FARS2: variants seen among roughly 807,000 people sequenced by gnomAD.
FARS2 encodes the protein phenylalanyl-tRNA synthetase 2, mitochondrial, also known as phenylalanine--tRNA ligase, mitochondrial.
In FARS2, 40 loss-of-function variants were observed where a neutral mutation model predicts 46.4. That is an observed-to-expected ratio of 0.86 (90% CI 0.67 to 1.12). FARS2 has a LOEUF of 1.12. FARS2 is among the 50% of genes most tolerant of loss of function. The pLI, the probability that FARS2 is intolerant of heterozygous loss-of-function variation, is 0.00. For synonymous variants in FARS2, 234 were observed against 214.9 expected (o/e 1.09, Z -0.78); for missense variants, 513 against 567.9 (o/e 0.90, Z 0.98).
At chr6:5,542,753 C>G (rs74714684) in intron 4 of FARS2, among the ~76,000 whole-genome samples, 5 of 152,168 alleles carry the variant, frequency 3.3e-5, no homozygotes, top group Non-Finnish European at 1.5e-5. Flanking sequence ...CAATAATTTA[C>G]GAGTTCTAGT....
intron 6 of FARS2, among the ~76,000 whole-genome samples, chr6:5,649,662 A>G (rs912173709): frequency 6.6e-6 from 1 of 152,246 alleles, no homozygotes; most frequent in Admixed American, 6.5e-5. Flanking sequence ...TTACCATTTT[A>G]TAGATGAGAA....
At chr6:5,580,286 T>A (rs1773248920) in intron 5 of FARS2, among the ~76,000 whole-genome samples, 1 of 50,474 alleles carries the variant, frequency 2.0e-5, no homozygotes, top group African/African-American at 9.4e-5. Context: ...GAAGACTCCG[T>A]CTCAAAAAAA....
At chr6:5,322,193 C>G (rs997941370) in intron 1 of FARS2, among the ~76,000 whole-genome samples, 1 of 152,144 alleles carries the variant, frequency 6.6e-6, no homozygotes, top group Non-Finnish European at 1.5e-5. Context: ...ACCTAAATGT[C>G]CAATAGGGAA....
chr6:5,676,347 G>C (rs188152540), intron 6 of FARS2, among the ~76,000 whole-genome samples: 1 of 152,114 alleles, frequency 6.6e-6, no homozygotes, highest in African/African-American at 2.4e-5. Context: ...TTTTGTATTC[G>C]TTAAATACAA....
chr6:5,506,845 A>G (rs1195400219), intron 4 of FARS2, among the ~76,000 whole-genome samples: 2 of 152,240 alleles, frequency 1.3e-5, no homozygotes, highest in East Asian at 1.9e-4. Flanking sequence ...AAATCTGACT[A>G]TAACAGTAAA....
At chr6:5,288,066 A>G (rs551161972) in intron 1 of FARS2, among the ~76,000 whole-genome samples, 7 of 152,214 alleles carry the variant, frequency 4.6e-5, no homozygotes, top group Admixed American at 1.3e-4. Context: ...ATATTTATCC[A>G]GGGAGTGTCA....
chr6:5,600,300 T>G (rs953889730), intron 5 of FARS2, among the ~76,000 whole-genome samples: 2 of 152,202 alleles, frequency 1.3e-5, no homozygotes, highest in African/African-American at 2.4e-5. Flanking sequence ...TTTAGAGGGA[T>G]GTTTAGAACT....
At chr6:5,554,812 C>G (rs556441819) in intron 5 of FARS2, among the ~76,000 whole-genome samples, 20 of 152,300 alleles carry the variant, frequency 1.3e-4, no homozygotes, top group Non-Finnish European at 2.2e-4. Context: ...TTAACCAAAG[C>G]TGACTCCAGA....
At position 5,759,285 on chromosome 6, in the gene FARS2, TC is replaced by T. The variant is rs1463122579; in HGVS notation, c.1218-12004del. On this transcript the variant is annotated intron_variant, in intron 6 of 6. Transcript: ENST00000274680. ...TTGTTGGTACTTCCACAGGGAACCTTCCTTGACTTTTAATAGCCCTTTTGTG... is the reference window on the plus strand; with the variant it reads ...TTGTTGGTACTTCCACAGGGAACCTTCTTGACTTTTAATAGCCCTTTTGTG... 2.0e-5 allele frequency among the ~76,000 whole-genome samples: 3 copies of T among 152,152 alleles called. No individual in the cohort carries two copies. The East Asian group carries it at 5.8e-4, about 29-fold the overall frequency.
At chr6:5,710,846 CAT>C (rs777853303) in intron 6 of FARS2, among the ~76,000 whole-genome samples, 2 of 152,180 alleles carry the variant, frequency 1.3e-5, no homozygotes. Flanking sequence ...TCTCTGAGCT[CAT>C]GTGCATCAGG....
At chr6:5,692,101 C>T (rs1757772835) in intron 6 of FARS2, among the ~76,000 whole-genome samples, 1 of 152,212 alleles carries the variant, frequency 6.6e-6, no homozygotes, top group Non-Finnish European at 1.5e-5. Context: ...CTTTCTTTGA[C>T]TAGGAAAGGG....
At chr6:5,673,348 C>T (rs1465357298) in intron 6 of FARS2, among the ~76,000 whole-genome samples, 1 of 152,228 alleles carries the variant, frequency 6.6e-6, no homozygotes, top group Non-Finnish European at 1.5e-5. Flanking sequence ...CCCACTTCTG[C>T]CATCAGAAAG....
chr6:5,388,573 C>T (rs1760286483), intron 2 of FARS2, among the ~76,000 whole-genome samples: 2 of 152,120 alleles, frequency 1.3e-5, no homozygotes, highest in South Asian at 2.1e-4. Flanking sequence ...CTGTTCTTTT[C>T]TGGCTAACAC....
intron 2 of FARS2, among the ~76,000 whole-genome samples, chr6:5,373,180 A>G (rs1051849127): frequency 2.0e-5 from 3 of 152,156 alleles, no homozygotes; most frequent in Non-Finnish European, 4.4e-5. Context: ...GGGGTCTCTC[A>G]GAGAACAAAC....
At chr6:5,580,814 G>T (rs1324779230) in intron 5 of FARS2, among the ~76,000 whole-genome samples, 1 of 152,144 alleles carries the variant, frequency 6.6e-6, no homozygotes, top group Non-Finnish European at 1.5e-5. Flanking sequence ...CGTCCACATT[G>T]GATACTGGTT....
chr6:5,742,739 G>A (rs1357799711), intron 6 of FARS2, among the ~76,000 whole-genome samples: 1 of 152,008 alleles, frequency 6.6e-6, no homozygotes, highest in African/African-American at 2.4e-5. Context: ...TGCAAACAAG[G>A]AAAAATCATC....
At chr6:5,315,804 C>T (rs1350893460) in intron 1 of FARS2, among the ~76,000 whole-genome samples, 5 of 115,454 alleles carry the variant, frequency 4.3e-5, no homozygotes, top group Non-Finnish European at 7.9e-5. Flanking sequence ...GAATACCTAA[C>T]GCATTTGTGA....
intron 6 of FARS2, among the ~76,000 whole-genome samples, chr6:5,702,328 A>T (rs1758493961): frequency 6.6e-6 from 1 of 152,226 alleles, no homozygotes; most frequent in African/African-American, 2.4e-5. Context: ...TTAGCAAACT[A>T]TATATGCTCA....
chr6:5,768,130 G>T (rs1359824294), intron 6 of FARS2, among the ~76,000 whole-genome samples: 3 of 152,120 alleles, frequency 2.0e-5, no homozygotes, highest in Non-Finnish European at 4.4e-5. Flanking sequence ...TCATCTGAAA[G>T]CTACACACAG....
Sources: gnomAD v4.1 joint callset for allele counts (sites outside exome capture counted in the v4.1 genomes callset) on GRCh38, gnomAD v4.1.1 for gene constraint, MANE v1.5 for transcripts, NCBI Gene and HGNC (gene_info 2026-07-23, HGNC 2026-07-21) for gene names.